EYS: variants seen among roughly 807,000 people sequenced by gnomAD.
EYS encodes the protein EGF-like photoreceptor maintenance factor, also known as protein eyes shut homolog.
In EYS, 250 loss-of-function variants were observed where a neutral mutation model predicts 282.1. That is an observed-to-expected ratio of 0.89 (90% CI 0.80 to 0.98). EYS has a LOEUF of 0.98. Ranked by LOEUF, EYS falls within the 50% of genes least tolerant of loss-of-function variation. The probability of loss-of-function intolerance (pLI) is 0.00; values close to 1 mark genes in which losing one functional copy is unlikely to be tolerated. For missense variants in EYS, 4,016 were observed against 3,709.0 expected, an observed-to-expected ratio of 1.08 and a Z score of -2.15; for synonymous variants, 1,355 against 1,282.9, an observed-to-expected ratio of 1.06 and a Z score of -1.20.
chr6:64,499,553 T>C (rs561953307), intron 26 of EYS, among the ~76,000 whole-genome samples: 2 of 152,142 alleles, frequency 1.3e-5, no homozygotes, highest in African/African-American at 4.8e-5. Flanking sequence ...TGTTTTAGTG[T>C]GTCCTGGCTT....
chr6:64,429,827 C>T (rs1774522622), intron 28 of EYS, among the ~76,000 whole-genome samples: 1 of 152,016 alleles, frequency 6.6e-6, no homozygotes, highest in Non-Finnish European at 1.5e-5. Context: ...GGAACAATTC[C>T]TTGGATGAAT....
chr6:65,324,477 A>G (rs1035375379), intron 11 of EYS, among the ~76,000 whole-genome samples: 1 of 152,114 alleles, frequency 6.6e-6, no homozygotes, highest in African/African-American at 2.4e-5. Flanking sequence ...ATACAGTGAA[A>G]CACCGGTGAT....
intron 12 of EYS, among the ~76,000 whole-genome samples, chr6:65,141,877 G>T (rs1055357004): frequency 1.6e-4 from 24 of 151,906 alleles, no homozygotes; most frequent in Non-Finnish European, 2.9e-4. Context: ...TGTAGGTGAA[G>T]AAAAACACTG....
chr6:65,509,494 G>A (rs181949698), intron 2 of EYS, among the ~76,000 whole-genome samples: 1 of 151,944 alleles, frequency 6.6e-6, no homozygotes, highest in Admixed American at 6.6e-5. Flanking sequence ...ATCCTTGTTT[G>A]CCACCTTCAT....
chr6:63,969,146 C>T (rs919060840), intron 35 of EYS, among the ~76,000 whole-genome samples: 3 of 151,996 alleles, frequency 2.0e-5, no homozygotes, highest in Non-Finnish European at 2.9e-5. Flanking sequence ...GTATCCTCAT[C>T]CCCCCCTTAA....
At chr6:64,193,026 G>T (rs187335333) in intron 31 of EYS, among the ~76,000 whole-genome samples, 169 of 152,188 alleles carry the variant, frequency 1.1e-3, no homozygotes, top group African/African-American at 3.9e-3. Flanking sequence ...AATTCTTACA[G>T]ATTTAAAATA....
At chr6:63,880,455 CTCTGTCTA>C (rs1353781627) in intron 35 of EYS, among the ~76,000 whole-genome samples, 32 of 148,854 alleles carry the variant, frequency 2.1e-4, no homozygotes, top group African/African-American at 7.5e-4. Context: ...CCCATTATAT[CTCTGTCTA>C]TCTGTCTGTC....
intron 29 of EYS, among the ~76,000 whole-genome samples, chr6:64,309,273 G>T (rs942198980): frequency 1.3e-5 from 2 of 152,072 alleles, no homozygotes; most frequent in Non-Finnish European, 2.9e-5. Flanking sequence ...ATGAAAAATG[G>T]TCTATAAAGG....
chr6:64,896,806 T>TC (rs1767487554), intron 18 of EYS, among the ~76,000 whole-genome samples: 1 of 152,086 alleles, frequency 6.6e-6, no homozygotes, highest in South Asian at 2.1e-4. Flanking sequence ...TAGGGAGTTT[T>TC]CCCCTCACAG....
intron 11 of EYS, chr6:65,332,493 C>A (rs1000022317): frequency 1.8e-5 from 21 of 1,169,560 alleles, no homozygotes; most frequent in Non-Finnish European, 2.5e-5. Flanking sequence ...ATTATATTTC[C>A]ATTTATTCAG....
chr6:65,556,295 AC>A (rs1768796305), intron 2 of EYS, among the ~76,000 whole-genome samples: 1 of 152,002 alleles, frequency 6.6e-6, no homozygotes, highest in African/African-American at 2.4e-5. Flanking sequence ...ACATAGAAAG[AC>A]CCCATTTATT....
intron 28 of EYS, among the ~76,000 whole-genome samples, chr6:64,417,264 T>C (rs1774084703): frequency 6.6e-6 from 1 of 152,216 alleles, no homozygotes; most frequent in Non-Finnish European, 1.5e-5. Context: ...TATGAAAAAT[T>C]ACCCTCTGCA....
intron 35 of EYS, among the ~76,000 whole-genome samples, chr6:63,873,493 T>A (rs539701284): frequency 6.6e-6 from 1 of 152,348 alleles, no homozygotes; most frequent in South Asian, 2.1e-4. Flanking sequence ...AGTAGCGTGA[T>A]TTATATTCCT....
intron 26 of EYS, among the ~76,000 whole-genome samples, chr6:64,465,865 T>C (rs1775901054): frequency 6.6e-6 from 1 of 152,040 alleles, no homozygotes; most frequent in South Asian, 2.1e-4. Flanking sequence ...TGTTAAGAGA[T>C]TAATATCTAA....
chr6:64,580,583 A>C (rs1766030383), intron 26 of EYS, among the ~76,000 whole-genome samples: 1 of 152,196 alleles, frequency 6.6e-6, no homozygotes, highest in African/African-American at 2.4e-5. Flanking sequence ...TAGATGATGC[A>C]ATCAAGGTTG....
chr6:65,517,656 A>C (rs1393096822), intron 2 of EYS, among the ~76,000 whole-genome samples: 1 of 152,100 alleles, frequency 6.6e-6, no homozygotes, highest in African/African-American at 2.4e-5. Flanking sequence ...TAACTTAAAT[A>C]AAATTTACAC....
chr6:64,546,989 G>A (rs1475036043), intron 26 of EYS, among the ~76,000 whole-genome samples: 5 of 152,118 alleles, frequency 3.3e-5, no homozygotes, highest in African/African-American at 1.2e-4. Context: ...GGAACCTCGC[G>A]GTGAGTGTTA....
intron 12 of EYS, among the ~76,000 whole-genome samples, chr6:65,214,292 C>A (rs1766257056): frequency 3.4e-5 from 5 of 149,148 alleles, no homozygotes; most frequent in Admixed American, 1.3e-4. Flanking sequence ...AGTGTTACTT[C>A]AGTGATACAA....
intron 35 of EYS, among the ~76,000 whole-genome samples, chr6:63,951,139 C>T (rs1247260594): frequency 1.3e-5 from 2 of 152,020 alleles, no homozygotes; most frequent in Admixed American, 1.3e-4. Context: ...TCACTATAGG[C>T]AACCTTCCAC....
Sources: allele counts gnomAD v4.1 joint callset (sites outside exome capture counted in the v4.1 genomes callset), GRCh38; gene constraint gnomAD v4.1.1; transcripts MANE v1.5; gene names NCBI Gene and HGNC (gene_info 2026-07-23, HGNC 2026-07-21).